Variants in HHAT observed in about 807,000 individuals in gnomAD.
HHAT encodes the protein protein-cysteine N-palmitoyltransferase HHAT.
In HHAT, 47 loss-of-function variants were observed where a neutral mutation model predicts 70.8. The observed-to-expected ratio is 0.66, with a 90% CI of 0.53 to 0.85. The LOEUF is 0.85. HHAT is among the 40% of genes least tolerant of loss of function. HHAT has a pLI of 0.00. For missense variants in HHAT, 609 were observed against 604.8 expected (o/e 1.01, Z -0.07); for synonymous variants, 228 against 247.6 (o/e 0.92, Z 0.74).
At chr1:210,528,195 A>G (rs1259360204) in intron 9 of HHAT, among the ~76,000 whole-genome samples, 3 of 152,214 alleles carry the variant, frequency 2.0e-5, no homozygotes, top group Admixed American at 6.5e-5. Context: ...AGTGTGTGTC[A>G]CAATGCACCA....
chr1:210,413,028 C>T (rs766198043), intron 6 of HHAT, among the ~76,000 whole-genome samples: 5 of 152,236 alleles, frequency 3.3e-5, no homozygotes, highest in Admixed American at 6.5e-5. Context: ...GTGACAGCCC[C>T]TCCTTTGCAT....
At chr1:210,652,366 C>A (rs1008192373) in intron 11 of HHAT, among the ~76,000 whole-genome samples, 15 of 152,100 alleles carry the variant, frequency 9.9e-5, no homozygotes, top group African/African-American at 3.6e-4. Flanking sequence ...GATTATGATG[C>A]CAGTAGTAAG....
At chr1:210,662,624 G>A (rs1677981658) in intron 11 of HHAT, among the ~76,000 whole-genome samples, 1 of 152,106 alleles carries the variant, frequency 6.6e-6, no homozygotes, top group South Asian at 2.1e-4. Flanking sequence ...TTTCTGGAAA[G>A]CAGGTCCCCT....
At chr1:210,502,303 G>T (rs568004618) in intron 8 of HHAT, among the ~76,000 whole-genome samples, 1 of 148,076 alleles carries the variant, frequency 6.8e-6, no homozygotes, top group Non-Finnish European at 1.5e-5. Flanking sequence ...AGAATGGCAT[G>T]AACCCGGGAG....
intron 1 of HHAT, among the ~76,000 whole-genome samples, chr1:210,336,947 G>A (rs2085555908): frequency 6.6e-6 from 1 of 152,154 alleles, no homozygotes; most frequent in Non-Finnish European, 1.5e-5. Context: ...TGATTAAAAA[G>A]GCTTAAAATA....
chr1:210,483,117 A>G (rs981813614), intron 8 of HHAT, among the ~76,000 whole-genome samples: 1 of 152,212 alleles, frequency 6.6e-6, no homozygotes, highest in Non-Finnish European at 1.5e-5. Flanking sequence ...TAACTAATGC[A>G]TAATAATAGC....
chr1:210,565,524 ATTCTCC>A (rs764800347), intron 9 of HHAT, among the ~76,000 whole-genome samples: 2 of 152,178 alleles, frequency 1.3e-5, no homozygotes, highest in Non-Finnish European at 2.9e-5. Flanking sequence ...CGTTCCATGA[ATTCTCC>A]TTCTATTTCT....
intron 7 of HHAT, among the ~76,000 whole-genome samples, chr1:210,424,788 GT>G (rs1280645350): frequency 1.2e-4 from 18 of 152,174 alleles, no homozygotes; most frequent in African/African-American, 4.3e-4. Flanking sequence ...TTTTGCTATT[GT>G]GAATAGTGTT....
chr1:210,411,613 G>A (rs1040305408), intron 6 of HHAT, among the ~76,000 whole-genome samples: 4 of 152,114 alleles, frequency 2.6e-5, no homozygotes, highest in African/African-American at 4.8e-5. Context: ...AAATCAGCCA[G>A]GCGTGGTGGT....
At chr1:210,543,842 G>A (rs1440566251) in intron 9 of HHAT, among the ~76,000 whole-genome samples, 1 of 152,064 alleles carries the variant, frequency 6.6e-6, no homozygotes, top group Non-Finnish European at 1.5e-5. Context: ...GCTCCTCTCT[G>A]CCCATAGGGA....
intron 11 of HHAT, among the ~76,000 whole-genome samples, chr1:210,662,194 G>GCC (rs1160724060): frequency 7.9e-5 from 12 of 152,270 alleles, no homozygotes; most frequent in Non-Finnish European, 1.8e-4. Context: ...TGTAGGGGAG[G>GCC]AGCGTGGTGG....
At position 210,418,281 on chromosome 1, in the gene HHAT, A is replaced by G. The variant is rs1468755372; in HGVS notation, c.812A>G (p.Tyr271Cys). Residue 271 changes from tyrosine to cysteine, a missense_variant, in exon 7 of 12, where the codon TAC (tyrosine) becomes TGC (cysteine). Tyr to Cys is a radical substitution (Grantham distance 194, BLOSUM62 -2). Coordinates refer to ENST00000261458, the MANE Select transcript of HHAT (RefSeq NM_018194.6). ...MAHLMYMHAI[Y>C]SSIPLLETVS... ...CACCTGATGTACATGCATGCCATCT[A>G]CAGCAGCATCCCCCTCCTGGAGACT... 4 of 1,611,422 alleles carry G rather than the reference A, an allele frequency of 2.5e-6. No individual in the cohort carries two copies. The East Asian group carries it at 8.9e-5, about 36-fold the overall frequency.
chr1:210,481,811 C>G (rs1312502570), intron 8 of HHAT, among the ~76,000 whole-genome samples: 3 of 152,184 alleles, frequency 2.0e-5, no homozygotes, highest in Non-Finnish European at 2.9e-5. Flanking sequence ...AATGAATGAT[C>G]AGCATAGGCT....
chr1:210,342,865 A>C (rs1228117643), intron 1 of HHAT, among the ~76,000 whole-genome samples: 1 of 152,200 alleles, frequency 6.6e-6, no homozygotes, highest in African/African-American at 2.4e-5. Context: ...TTTCTTTTAC[A>C]TTGTGTCATA....
chr1:210,500,873 A>C (rs920824896), intron 8 of HHAT, among the ~76,000 whole-genome samples: 11 of 152,146 alleles, frequency 7.2e-5, no homozygotes, highest in African/African-American at 2.7e-4. Flanking sequence ...CACAGTGAGG[A>C]TCCTAAACAC....
chr1:210,588,011 G>GGT lies in HHAT; in HGVS notation c.1159_1160dup (p.Trp388AlafsTer53). The stretch of plus-strand genomic sequence containing the variant: ...TGGCATGGCGGCTACGACTACCTCT[G>GGT]GTGCTGGGCAGCGCTCAACTGGCTG... On this transcript the variant is annotated frameshift_variant, in exon 10 of 12. Transcript: ENST00000261458. LOFTEE classifies it high-confidence loss of function. 2 of 1,614,080 alleles carry GGT rather than the reference G, an allele frequency of 1.2e-6. No homozygotes were observed. The highest frequency in any genetic ancestry group is 1.7e-6 in the Non-Finnish European group (2 of 1,179,998).
intron 10 of HHAT, among the ~76,000 whole-genome samples, chr1:210,612,599 G>C (rs1666821305): frequency 6.6e-6 from 1 of 152,142 alleles, no homozygotes. Flanking sequence ...GAATAATACT[G>C]CTGTGTACAC....
chr1:210,637,995 A>T (rs766229098), intron 11 of HHAT, among the ~76,000 whole-genome samples: 16 of 152,214 alleles, frequency 1.1e-4, no homozygotes, highest in Non-Finnish European at 2.1e-4. Context: ...CCGCAATAAG[A>T]TACTACTTCA....
intron 10 of HHAT, among the ~76,000 whole-genome samples, chr1:210,613,205 TC>T (rs1018181495): frequency 9.2e-5 from 14 of 152,218 alleles, no homozygotes; most frequent in Non-Finnish European, 2.9e-5. Flanking sequence ...CATGAAGGTC[TC>T]CCCCTGTTTT....
Sources: gnomAD v4.1 joint callset for allele counts (sites outside exome capture counted in the v4.1 genomes callset) on GRCh38, gnomAD v4.1.1 for gene constraint, MANE v1.5 for transcripts, NCBI Gene and HGNC (gene_info 2026-07-23, HGNC 2026-07-21) for gene names.